Variants in PIAS1 observed in about 807,000 individuals in gnomAD.
PIAS1 encodes E3 SUMO-protein ligase PIAS1.
A neutral mutation model predicts 71.3 loss-of-function variants in PIAS1; 6 were observed. That is an observed-to-expected ratio of 0.08 (90% CI 0.05 to 0.17). The LOEUF (loss-of-function observed/expected upper bound fraction) is 0.17. Among genes scored for constraint, PIAS1 ranks in the 10% least tolerant of loss-of-function variants. The probability of loss-of-function intolerance (pLI) is 1.00; values close to 1 mark genes in which losing one functional copy is unlikely to be tolerated. For synonymous variants in PIAS1, 303 were observed against 292.9 expected (o/e 1.03, Z -0.35); for missense variants, 555 against 793.6 (o/e 0.70, Z 3.61).
intron 1 of PIAS1, among the ~76,000 whole-genome samples, chr15:68,062,053 C>T (rs190576650): frequency 4.8e-4 from 73 of 152,312 alleles, no homozygotes; most frequent in African/African-American, 1.7e-3. Context: ...GCCTGATACT[C>T]TTGTCTATAA....
At chr15:68,114,205 C>T (rs368696531) in intron 2 of PIAS1, among the ~76,000 whole-genome samples, 4 of 152,066 alleles carry the variant, frequency 2.6e-5, no homozygotes, top group East Asian at 3.9e-4. Context: ...AATCTTTCAA[C>T]GCATAATATG....
chr15:68,170,648 A>G (rs1240607478), intron 8 of PIAS1, among the ~76,000 whole-genome samples: 4 of 152,014 alleles, frequency 2.6e-5, no homozygotes, highest in Non-Finnish European at 5.9e-5. Context: ...GCTTACTGTA[A>G]CTTTTTTTTT....
At chr15:68,135,531 C>T (rs2092725099) in intron 2 of PIAS1, among the ~76,000 whole-genome samples, 1 of 45,280 alleles carries the variant, frequency 2.2e-5, no homozygotes, top group African/African-American at 5.0e-5. Flanking sequence ...GGGCGGCTGG[C>T]CGGGCAGAGG....
At chr15:68,074,407 C>T (rs768421672) in intron 1 of PIAS1, among the ~76,000 whole-genome samples, 2 of 152,120 alleles carry the variant, frequency 1.3e-5, no homozygotes, top group South Asian at 2.1e-4. Context: ...GGGCTCAAGC[C>T]ATCCTCCCAC....
chr15:68,184,365 A>G (rs897598666), intron 13 of PIAS1: 13 of 152,260 alleles, frequency 8.5e-5, no homozygotes, highest in African/African-American at 3.1e-4. Flanking sequence ...CAAGGCAACA[A>G]GACTAACAAA....
intron 2 of PIAS1, among the ~76,000 whole-genome samples, chr15:68,106,804 C>G (rs1353524048): frequency 6.6e-6 from 1 of 152,208 alleles, no homozygotes; most frequent in African/African-American, 2.4e-5. Context: ...CTGAAAATTC[C>G]TGAAATTCTT....
intron 1 of PIAS1, among the ~76,000 whole-genome samples, chr15:68,058,083 G>T (rs2091915553): frequency 6.6e-6 from 1 of 151,936 alleles, no homozygotes; most frequent in Admixed American, 6.6e-5. Context: ...ACCCTTTTTT[G>T]CTGGTAACCA....
Position 68,174,587 on chromosome 15 carries a change from C to T in PIAS1, c.1169+695C>T, listed in dbSNP as rs2093010978. On this transcript the variant is annotated intron_variant, in intron 9 of 13. Transcript: ENST00000249636. The surrounding 1 kb of genome is among the most constrained non-coding windows in gnomAD (Gnocchi z 4.0). The stretch of plus-strand genomic sequence containing the variant: ...GTCTTGCCATTTTGCCCAGGCTGCT[C>T]TCGAATTCCTGGGCTCAAGTGATCC... 6.6e-6 allele frequency among the ~76,000 whole-genome samples: 1 copy of T among 152,128 alleles called. No individual in the cohort carries two copies. The highest frequency in any genetic ancestry group is 1.5e-5 in the Non-Finnish European group (1 of 68,032).
chr15:68,129,968 T>C (rs1227246195), intron 2 of PIAS1, among the ~76,000 whole-genome samples: 2 of 152,050 alleles, frequency 1.3e-5, no homozygotes, highest in Non-Finnish European at 2.9e-5. Flanking sequence ...TGTAATCTCT[T>C]GTGGTTTTAA....
intron 1 of PIAS1, among the ~76,000 whole-genome samples, chr15:68,085,283 A>G (rs1029233460): frequency 2.6e-5 from 4 of 152,192 alleles, no homozygotes; most frequent in African/African-American, 9.6e-5. Flanking sequence ...TAGCTGTGTG[A>G]TCTTGGGTAA....
At position 68,178,222 on chromosome 15, in the gene PIAS1, A is replaced by G. The variant is rs2141096212; in HGVS notation, c.1481+1568A>G. ...GAGGTGGAGGTTGCAGTGAGCTAAG[A>G]TCGTGCCACTGCACTCCAACCTGGG... On this transcript the variant is annotated intron_variant, in intron 11 of 13. Coordinates refer to ENST00000249636, the MANE Select transcript of PIAS1 (RefSeq NM_016166.3). This position sits in a 1 kb window ranked among gnomAD's most constrained non-coding sequence, Gnocchi z 4.2. 6.6e-6 allele frequency among the ~76,000 whole-genome samples: 1 copy of G among 152,300 alleles called. No individual in the cohort carries two copies. Among genetic ancestry groups the G allele is most frequent in the East Asian group, 1.9e-4 (1 of 5,182 alleles).
chr15:68,169,939 G>A (rs1264566968), intron 8 of PIAS1, among the ~76,000 whole-genome samples: 3 of 152,036 alleles, frequency 2.0e-5, no homozygotes, highest in African/African-American at 7.3e-5. Context: ...CACACAGTAG[G>A]TAGGTAGTGG....
At chr15:68,109,609 A>G (rs1242157622) in intron 2 of PIAS1, among the ~76,000 whole-genome samples, 2 of 152,148 alleles carry the variant, frequency 1.3e-5, no homozygotes, top group Non-Finnish European at 2.9e-5. Flanking sequence ...CCAGATTCAA[A>G]TCTAGCCAGA....
chr15:68,116,042 A>C (rs759703869), intron 2 of PIAS1, among the ~76,000 whole-genome samples: 8 of 152,092 alleles, frequency 5.3e-5, no homozygotes, highest in Non-Finnish European at 1.0e-4. Flanking sequence ...TACTGGCTTC[A>C]TAGAATGAGT....
At chr15:68,121,955 C>CT (rs2092617057) in intron 2 of PIAS1, among the ~76,000 whole-genome samples, 3 of 152,076 alleles carry the variant, frequency 2.0e-5, no homozygotes, top group Non-Finnish European at 4.4e-5. Context: ...TGGCGAAACT[C>CT]TGTCTCTACA....
At chr15:68,089,798 C>G (rs372822325) in intron 2 of PIAS1, among the ~76,000 whole-genome samples, 3 of 152,046 alleles carry the variant, frequency 2.0e-5, no homozygotes, top group Non-Finnish European at 2.9e-5. Flanking sequence ...TCAGTTGATC[C>G]GCCCACCTCG....
intron 6 of PIAS1, among the ~76,000 whole-genome samples, chr15:68,151,651 C>G (rs1325301158): frequency 1.4e-5 from 2 of 146,114 alleles, no homozygotes; most frequent in Admixed American, 1.4e-4. Flanking sequence ...GAAACCCCAT[C>G]TCTACTAAAA....
At position 68,181,368 on chromosome 15, in the gene PIAS1, T is replaced by C. The variant is rs1263603342; in HGVS notation, c.1624+14T>C. 1 of 1,611,430 alleles carries C rather than the reference T, an allele frequency of 6.2e-7. No homozygotes were observed. Among genetic ancestry groups the C allele is most frequent in the Admixed American group, 1.7e-5 (1 of 60,006 alleles). ...ACGACTTACAAGGTGAGTCACTGGT[T>C]CTTCTACATTGTCACATAGCATTAT... On this transcript the variant is annotated intron_variant, in intron 12 of 13. Transcript: ENST00000249636.
chr15:68,155,027 A>G (rs1381892679), intron 7 of PIAS1, among the ~76,000 whole-genome samples: 1 of 152,210 alleles, frequency 6.6e-6, no homozygotes, highest in Non-Finnish European at 1.5e-5. Flanking sequence ...CCTGTATGGA[A>G]GAGGGAATAC....
Sources: gnomAD v4.1 joint callset for allele counts (sites outside exome capture counted in the v4.1 genomes callset) on GRCh38, gnomAD v4.1.1 for gene constraint, Gnocchi (gnomAD v3.1) non-coding constraint, MANE v1.5 for transcripts, NCBI Gene and HGNC (gene_info 2026-07-23, HGNC 2026-07-21) for gene names.